CEACAM21: variants seen among roughly 807,000 people sequenced by gnomAD.
The protein encoded by CEACAM21 is CEA cell adhesion molecule 21.
In CEACAM21, 38 loss-of-function variants were observed where a neutral mutation model predicts 33.2. That is an observed-to-expected ratio of 1.14 (90% CI 0.88 to 1.50). The LOEUF is 1.50. Ranked by LOEUF, CEACAM21 falls within the 40% of genes most tolerant of loss-of-function variation. The pLI is 0.00. For synonymous variants in CEACAM21, 156 were observed against 143.0 expected, an observed-to-expected ratio of 1.09 and a Z score of -0.65; for missense variants, 385 against 364.6, an observed-to-expected ratio of 1.06 and a Z score of -0.46.
chr19:41,559,786 G>C (rs1280003201), intron 1 of CEACAM21, among the ~76,000 whole-genome samples: 2 of 152,144 alleles, frequency 1.3e-5, no homozygotes, highest in Non-Finnish European at 2.9e-5. Flanking sequence ...TGAACACCTA[G>C]AAAACTAAAG....
rs782295824 is a variant in CEACAM21 at position 41,585,511 on chromosome 19, G to T, written c.850+16G>T. ...TCCACCCCCGGTGAGTGTCCCTTCA[G>T]TCTGGGTGTGGCTGGGAACTACTAA... On this transcript the variant is annotated intron_variant, in intron 5 of 6. Coordinates refer to ENST00000401445, the MANE Select transcript of CEACAM21 (RefSeq NM_001098506.4). 2 of 1,613,672 alleles carry T rather than the reference G, an allele frequency of 1.2e-6. No homozygotes were observed. The highest frequency in any genetic ancestry group is 1.7e-6 in the Non-Finnish European group (2 of 1,179,708).
At chr19:41,558,376 G>C (rs1241966753) in intron 1 of CEACAM21, among the ~76,000 whole-genome samples, 2 of 152,064 alleles carry the variant, frequency 1.3e-5, no homozygotes, top group Admixed American at 6.6e-5. Flanking sequence ...AGCTGGGCAC[G>C]GTGGCTCACA....
intron 1 of CEACAM21, among the ~76,000 whole-genome samples, chr19:41,554,242 T>A (rs117777658): frequency 0.028 from 4,215 of 152,146 alleles, 151 homozygotes; most frequent in Non-Finnish European, 0.043. Flanking sequence ...TCCAAAGTTA[T>A]CAAAATTTGC....
intron 1 of CEACAM21, among the ~76,000 whole-genome samples, chr19:41,555,701 G>A (rs1449196540): frequency 2.0e-5 from 3 of 149,198 alleles, no homozygotes; most frequent in Non-Finnish European, 4.6e-5. Context: ...TGTCTTCAAG[G>A]CTAGTAGCAC....
Position 41,576,203 on chromosome 19 carries a change from T to TA in CEACAM21, c.-70dup. ...AGGACAGCAGAGACAACAGTCACAG[T>TA]AACCCTGTCTAGAGCGTTCCTGGAG... On this transcript the variant is annotated 5_prime_UTR_variant, in exon 1 of 7. Coordinates refer to ENST00000401445, the MANE Select transcript of CEACAM21 (RefSeq NM_001098506.4). 1 of 1,556,446 alleles carries TA rather than the reference T, an allele frequency of 6.4e-7. No homozygotes were observed. The highest frequency in any genetic ancestry group is 8.9e-7 in the Non-Finnish European group (1 of 1,129,392).
At chr19:41,549,880 A>C (rs2041116588) in intron 1 of CEACAM21, among the ~76,000 whole-genome samples, 1 of 152,100 alleles carries the variant, frequency 6.6e-6, no homozygotes, top group Non-Finnish European at 1.5e-5. Context: ...CTTTTTAAAA[A>C]TATTTTAATC....
At chr19:41,564,663 C>G (rs1180813891) in intron 1 of CEACAM21, 1 of 152,240 alleles carries the variant, frequency 6.6e-6, no homozygotes, top group African/African-American at 2.4e-5. Flanking sequence ...CAGGCTCAGC[C>G]GATGCTTCTT....
Position 41,579,645 on chromosome 19 carries a change from C to A in CEACAM21, c.700+17C>A, listed in dbSNP as rs1555792864. ...CTGTAAAATGTGAGTGACCCTCGGC[C>A]CCTCTCACTCCTTTCCTTGTATATT... On this transcript the variant is annotated intron_variant, in intron 3 of 6. Transcript: ENST00000401445. 1.4e-6 allele frequency: 2 copies of A among 1,474,496 alleles called. No homozygotes were observed. Among genetic ancestry groups the A allele is most frequent in the Admixed American group, 4.3e-5 (2 of 46,318 alleles). 91.3% of individuals were successfully genotyped at this position (1,474,496 alleles called of 1,614,324 possible).
At chr19:41,581,146 G>A (rs879975168) in intron 3 of CEACAM21, among the ~76,000 whole-genome samples, 1 of 152,242 alleles carries the variant, frequency 6.6e-6, no homozygotes, top group Non-Finnish European at 1.5e-5. Flanking sequence ...GCCCAAGCTG[G>A]AAGGTTATGG....
chr19:41,586,062 C>A (rs979400847), intron 6 of CEACAM21, 191 bp downstream of exon 6: 7 of 635,560 alleles, frequency 1.1e-5, no homozygotes, highest in South Asian at 3.7e-5. Context: ...TAACCCCACC[C>A]TGGGACCCTC....
chr19:41,559,028 C>G (rs1304167554), intron 1 of CEACAM21, among the ~76,000 whole-genome samples: 1 of 152,152 alleles, frequency 6.6e-6, no homozygotes, highest in African/African-American at 2.4e-5. Flanking sequence ...GAATACATTC[C>G]TACCTGTAAT....
intron 1 of CEACAM21, chr19:41,555,010 C>T (rs2122160306): frequency 6.6e-6 from 1 of 152,148 alleles, no homozygotes; most frequent in East Asian, 1.9e-4. Context: ...TTTACTAGGA[C>T]AGCTGAGCTC....
upstream of CEACAM21, among the ~76,000 whole-genome samples, chr19:41,575,452 C>A (rs1433647624): frequency 6.6e-6 from 1 of 152,146 alleles, no homozygotes; most frequent in African/African-American, 2.4e-5. Context: ...AAAAGGGATA[C>A]AAAGATTTAG....
chr19:41,580,265 C>A (rs1344688251), intron 3 of CEACAM21, among the ~76,000 whole-genome samples: 3 of 152,078 alleles, frequency 2.0e-5, no homozygotes, highest in African/African-American at 7.2e-5. Flanking sequence ...TCTCACTCCA[C>A]AATAACAATC....
intron 1 of CEACAM21, among the ~76,000 whole-genome samples, chr19:41,561,782 G>A (rs1393191734): frequency 1.3e-5 from 2 of 152,166 alleles, no homozygotes; most frequent in African/African-American, 2.4e-5. Context: ...AATAAAGGTA[G>A]CATTACAGAT....
chr19:41,573,293 A>G (rs1555789967), upstream of CEACAM21, among the ~76,000 whole-genome samples: 2 of 152,140 alleles, frequency 1.3e-5, no homozygotes, highest in Admixed American at 6.5e-5. Flanking sequence ...AAGAACATGG[A>G]ATACTCGGGG....
Position 41,579,567 on chromosome 19 carries a change from G to A in CEACAM21, c.639G>A (p.Gln213=), listed in dbSNP as rs782732603. 10 of 1,601,392 alleles carry A rather than the reference G, an allele frequency of 6.2e-6. No individual in the cohort carries two copies. Among genetic ancestry groups the A allele is most frequent in the Non-Finnish European group, 7.7e-6 (9 of 1,173,742 alleles). The change falls in exon 3 of 7, where the codon CAG becomes CAA. Residue 213 remains glutamine, a synonymous_variant. Transcript: ENST00000401445. ...PIRQEDAGEY[Q]CEVSNPVSSN... is the part of the protein sequence containing the mutation. Reference sequence around the variant, plus strand: ...GGCAGGAGGACGCTGGGGAGTATCAGTGTGAGGTCTCCAACCCAGTCAGCT... The same window carrying A: ...GGCAGGAGGACGCTGGGGAGTATCAATGTGAGGTCTCCAACCCAGTCAGCT...
intron 2 of CEACAM21, among the ~76,000 whole-genome samples, chr19:41,568,398 G>C (rs1487787800): frequency 6.6e-6 from 1 of 151,972 alleles, no homozygotes; most frequent in Non-Finnish European, 1.5e-5. Context: ...TTTTCTTCTA[G>C]TAGTTTCATA....
rs377636886 is a variant in CEACAM21, at chr19:41,585,885, T to G, written c.*14T>G. The stretch of plus-strand genomic sequence containing the variant: ...TCCATCTCCTAGGTAAGACTGTCCG[T>G]TCCCAATCCCATTTCCACTGGGGCC... On this transcript the variant is annotated intron_variant, in intron 6 of 6. Transcript: ENST00000401445. 5.4e-5 allele frequency: 87 copies of G among 1,612,362 alleles called. No homozygotes were observed. The highest frequency in any genetic ancestry group is 1.6e-4 in the Middle Eastern group (1 of 6,084).
Sources: allele counts gnomAD v4.1 joint callset (sites outside exome capture counted in the v4.1 genomes callset), GRCh38; gene constraint gnomAD v4.1.1; transcripts MANE v1.5; gene names NCBI Gene and HGNC (gene_info 2026-07-23, HGNC 2026-07-21).